EZH2: variants seen among roughly 807,000 people sequenced by gnomAD.
EZH2 encodes enhancer of zeste 2 polycomb repressive complex 2 subunit.
In EZH2, 18 loss-of-function variants were observed where a neutral mutation model predicts 98.4. That is an observed-to-expected ratio of 0.18 (90% CI 0.13 to 0.27). EZH2 has a LOEUF of 0.27. Among genes scored for constraint, EZH2 ranks in the 10% least tolerant of loss-of-function variants. EZH2 has a pLI of 1.00. For missense variants in EZH2, 470 were observed against 935.1 expected (o/e 0.50, Z 6.49); for synonymous variants, 338 against 312.3 (o/e 1.08, Z -0.87).
At chr7:148,823,577 T>C (rs1028300291) in intron 8 of EZH2, among the ~76,000 whole-genome samples, 3 of 151,036 alleles carry the variant, frequency 2.0e-5, no homozygotes, top group Non-Finnish European at 4.4e-5. Context: ...CTAATAAAAG[T>C]GGAAGAGTGA....
intron 16 of EZH2, among the ~76,000 whole-genome samples, 171 bp from the exon 17 acceptor site, chr7:148,810,585 CTG>C (rs1802765298): frequency 1.3e-5 from 2 of 152,188 alleles, no homozygotes; most frequent in South Asian, 4.1e-4. Context: ...TAAAGAATAA[CTG>C]TATACTAAGG....
chr7:148,872,189 G>A (rs1397776285), intron 1 of EZH2, among the ~76,000 whole-genome samples: 1 of 152,152 alleles, frequency 6.6e-6, no homozygotes, highest in Admixed American at 6.5e-5. Flanking sequence ...GCTACAACAT[G>A]GAAGAACCTC....
At chr7:148,834,237 TCCAGAG>T in intron 3 of EZH2, among the ~76,000 whole-genome samples, 1 of 152,068 alleles carries the variant, frequency 6.6e-6, no homozygotes, top group East Asian at 1.9e-4. Flanking sequence ...GTGTAAGTCC[TCCAGAG>T]CCTTCTCAAA....
intron 8 of EZH2, among the ~76,000 whole-genome samples, chr7:148,824,652 A>G (rs751872035): frequency 6.6e-6 from 1 of 152,180 alleles, no homozygotes; most frequent in Admixed American, 6.5e-5. Context: ...GTCCATAAGT[A>G]ATGCATGATT....
chr7:148,816,834 T>G, intron 11 of EZH2, 56 bp from the exon 12 acceptor site: 5 of 1,273,126 alleles, frequency 3.9e-6, no homozygotes. Flanking sequence ...GGCAAACCAT[T>G]CTTATACTCA....
At chr7:148,864,533 T>G (rs984158959) in intron 1 of EZH2, among the ~76,000 whole-genome samples, 1 of 151,620 alleles carries the variant, frequency 6.6e-6, no homozygotes, top group Non-Finnish European at 1.5e-5. Flanking sequence ...AAATACAAAT[T>G]AGCCAGGCGT....
At chr7:148,829,059 C>CAA (rs1351863323) in intron 5 of EZH2, among the ~76,000 whole-genome samples, 179 bp from the exon 6 acceptor site, 1 of 152,066 alleles carries the variant, frequency 6.6e-6, no homozygotes, top group Non-Finnish European at 1.5e-5. Flanking sequence ...GCAAAGGAAG[C>CAA]AAACTTATCT....
intron 1 of EZH2, among the ~76,000 whole-genome samples, chr7:148,875,733 A>C (rs1180652279): frequency 6.6e-6 from 1 of 152,236 alleles, no homozygotes; most frequent in South Asian, 2.1e-4. Context: ...TTACCACTAA[A>C]ACATGTCCAG....
intron 7 of EZH2, 141 bp downstream of exon 7, chr7:148,827,023 A>T: frequency 1.6e-6 from 1 of 615,536 alleles, no homozygotes; most frequent in South Asian, 2.5e-5. Context: ...CCACAAGTAC[A>T]CATGTTGCTT....
chr7:148,828,160 C>G (rs963896275), intron 6 of EZH2, among the ~76,000 whole-genome samples: 1 of 152,068 alleles, frequency 6.6e-6, no homozygotes, highest in African/African-American at 2.4e-5. Context: ...TCTCATGAAG[C>G]CATTATGAGG....
At chr7:148,823,461 G>A (rs2129474004) in intron 8 of EZH2, among the ~76,000 whole-genome samples, 1 of 152,234 alleles carries the variant, frequency 6.6e-6, no homozygotes, top group Non-Finnish European at 1.5e-5. Flanking sequence ...GGAAAAGCCT[G>A]AATGCTATGC....
At chr7:148,857,145 T>A (rs1816951352) in intron 1 of EZH2, among the ~76,000 whole-genome samples, 1 of 152,200 alleles carries the variant, frequency 6.6e-6, no homozygotes, top group Non-Finnish European at 1.5e-5. Flanking sequence ...TAAGAAAACA[T>A]CCGATAAGCC....
intron 15 of EZH2, among the ~76,000 whole-genome samples, chr7:148,813,637 CTATTAACTAAAAGACAAAT>C (rs1435882924): frequency 6.6e-6 from 1 of 151,422 alleles, no homozygotes; most frequent in Non-Finnish European, 1.5e-5. Context: ...ACTAGATAAA[CTATTAACTAAAAGACAAAT>C]TCAAATAATC....
At chr7:148,861,381 C>T (rs111730612) in intron 1 of EZH2, among the ~76,000 whole-genome samples, 1,648 of 152,068 alleles carry the variant, frequency 0.011, 27 homozygotes, top group African/African-American at 0.038. Flanking sequence ...CACACACTAC[C>T]ATGCCCAGCT....
chr7:148,815,054 C>G lies in EZH2; in HGVS notation c.1547-15G>C, dbSNP rs945069737. 1 of 1,612,122 alleles carries G rather than the reference C, an allele frequency of 6.2e-7. No homozygotes were observed. Among genetic ancestry groups the G allele is most frequent in the African/African-American group, 1.3e-5 (1 of 74,980 alleles). On this transcript the variant is annotated splice_polypyrimidine_tract_variant and intron_variant, in intron 13 of 19. Coordinates refer to ENST00000320356, the MANE Select transcript of EZH2 (RefSeq NM_004456.5). ...AGAGGAGCCGTCTGAGTAAAGATAA[C>G]ATCATGCAGGCCAATGAATCCAGGG...
rs117892062 is a variant in EZH2, at chr7:148,864,342, T to C, written c.-7-17037A>G. On this transcript the variant is annotated intron_variant, in intron 1 of 19. Coordinates refer to ENST00000320356, the MANE Select transcript of EZH2 (RefSeq NM_004456.5). ...ATTTTAAGTGTTTTAAAGAATTTGC[T>C]TGAACAACAGATAAAACAGACTCAC... 8.0e-3 allele frequency among the ~76,000 whole-genome samples: 1,219 copies of C among 152,284 alleles called. 15 individuals are homozygous for C. Among genetic ancestry groups the C allele is most frequent in the South Asian group, 0.021 (103 of 4,828 alleles).
intron 14 of EZH2, 29 bp from the exon 15 acceptor site, chr7:148,814,166 C>T (rs201084487): frequency 6.9e-6 from 11 of 1,604,988 alleles, no homozygotes; most frequent in East Asian, 2.2e-5. Context: ...AGGTTCTTCA[C>T]TCATCACCGT....
intron 1 of EZH2, among the ~76,000 whole-genome samples, chr7:148,856,528 C>G (rs909998861): frequency 1.3e-5 from 2 of 152,172 alleles, no homozygotes; most frequent in Non-Finnish European, 2.9e-5. Flanking sequence ...AATAAGCATA[C>G]CCTGCACCCA....
chr7:148,816,145 T>C (rs1804482606), intron 12 of EZH2, among the ~76,000 whole-genome samples: 1 of 152,114 alleles, frequency 6.6e-6, no homozygotes, highest in Admixed American at 6.5e-5. Context: ...ATGGGGAGAT[T>C]AGAGCAGATA....
Sources: gnomAD v4.1 joint callset for allele counts (sites outside exome capture counted in the v4.1 genomes callset) on GRCh38, gnomAD v4.1.1 for gene constraint, MANE v1.5 for transcripts, NCBI Gene and HGNC (gene_info 2026-07-23, HGNC 2026-07-21) for gene names.